GYPE: variants seen among roughly 807,000 people sequenced by gnomAD.
The protein encoded by GYPE is glycophorin E (MNS blood group), also known as glycophorin-E.
GYPE carries 8 observed loss-of-function variants against 11.6 expected under a neutral mutation model. That is an observed-to-expected ratio of 0.69 (90% CI 0.41 to 1.25). The LOEUF (loss-of-function observed/expected upper bound fraction) is 1.25, where lower values mean the gene tolerates loss of function less well. Ranked by LOEUF, GYPE falls within the 50% of genes most tolerant of loss-of-function variation. GYPE has a pLI of 0.01. For missense variants in GYPE, 90 were observed against 92.8 expected (o/e 0.97, Z 0.12); for synonymous variants, 28 against 29.6 (o/e 0.94, Z 0.18).
At position 143,876,846 on chromosome 4, in the gene GYPE, A is replaced by C. The variant is rs975671021; in HGVS notation, c.146T>G (p.Leu49Arg). The C allele has an allele frequency of 2.5e-6, 4 of 1,600,206 alleles. No homozygotes were observed. Among genetic ancestry groups the C allele is most frequent in the Non-Finnish European group, 3.4e-6 (4 of 1,168,158 alleles). ...YISSQTNGIT[L>R]INWWAMARVI... ...ACGAGCCATCGCCCACCAATTAATG[A>C]GTGTTATCCCTACAGGAGATAAAGA... The change falls in exon 3 of 4, where the codon CTC (leucine) becomes CGC (arginine). Residue 49 changes from leucine (L) to arginine (R), a missense_variant. Transcript: ENST00000358615.
At chr4:143,881,911 T>A (rs1324749241) in intron 1 of GYPE, among the ~76,000 whole-genome samples, 1 of 152,166 alleles carries the variant, frequency 6.6e-6, no homozygotes, top group Non-Finnish European at 1.5e-5. Context: ...ATGCTCAAAG[T>A]TTCCTGGAGA....
intron 1 of GYPE, among the ~76,000 whole-genome samples, chr4:143,904,681 G>T (rs1185868700): frequency 1.3e-5 from 2 of 152,108 alleles, no homozygotes; most frequent in East Asian, 3.9e-4. Context: ...ATGTCTAATA[G>T]ACTCAGAATG....
intron 2 of GYPE, 106 bp from the exon 3 acceptor site, chr4:143,876,961 T>C (rs1743839892): frequency 1.4e-6 from 1 of 712,636 alleles, no homozygotes; most frequent in Non-Finnish European, 2.6e-6. Context: ...TGCCTTTTAA[T>C]AGAAAGTACA....
intron 3 of GYPE, chr4:143,875,343 A>G: frequency 1.2e-6 from 1 of 809,158 alleles, no homozygotes; most frequent in Non-Finnish European, 2.0e-6. Flanking sequence ...ATTTTTATTT[A>G]GAAGTAGAGA....
chr4:143,876,522 G>T (rs1382113563), intron 3 of GYPE, among the ~76,000 whole-genome samples: 1 of 152,056 alleles, frequency 6.6e-6, no homozygotes, highest in African/African-American at 2.4e-5. Context: ...GCTTTCATTG[G>T]GAAAATGGGG....
At chr4:143,880,660 G>T (rs369936925) in intron 1 of GYPE, among the ~76,000 whole-genome samples, 151 bp from the exon 2 acceptor site, 1 of 150,960 alleles carries the variant, frequency 6.6e-6, no homozygotes, top group African/African-American at 2.4e-5. Context: ...GAGAATTGCT[G>T]TGTGGTAAGT....
intron 2 of GYPE, among the ~76,000 whole-genome samples, chr4:143,877,595 T>G (rs1743864282): frequency 6.6e-6 from 1 of 152,156 alleles, no homozygotes; most frequent in Non-Finnish European, 1.5e-5. Flanking sequence ...GACATAAAGG[T>G]AAAATGGCTC....
intron 1 of GYPE, among the ~76,000 whole-genome samples, chr4:143,904,921 A>C (rs1226614134): frequency 6.6e-6 from 1 of 152,070 alleles, no homozygotes; most frequent in Non-Finnish European, 1.5e-5. Flanking sequence ...TTTCTCCTAA[A>C]ATTCACATGA....
chr4:143,871,151 C>T lies in GYPE; in HGVS notation c.*1111G>A, dbSNP rs1018782734. On this transcript the variant is annotated 3_prime_UTR_variant, in exon 4 of 4. Transcript: ENST00000358615. ...TGACATGTGGGGATTATTGGAACTA[C>T]AATTCAAGATGAGATTTGAGTGGGA... is the stretch of plus-strand genomic sequence containing the variant. 1 of 151,508 alleles carries T rather than the reference C, an allele frequency of 6.6e-6. No homozygotes were observed. Among genetic ancestry groups the T allele is most frequent in the Non-Finnish European group, 1.5e-5 (1 of 68,030 alleles). The allele number at this position is 151,508 out of a possible 1,614,324, so 9.4% of individuals were successfully genotyped here.
At chr4:143,896,423 G>A (rs1220158117) in intron 1 of GYPE, among the ~76,000 whole-genome samples, 2 of 152,106 alleles carry the variant, frequency 1.3e-5, no homozygotes, top group African/African-American at 2.4e-5. Flanking sequence ...ATCATCACTG[G>A]CCATCAGAGA....
intron 1 of GYPE, among the ~76,000 whole-genome samples, chr4:143,896,908 C>G (rs1284482456): frequency 6.8e-6 from 1 of 146,830 alleles, no homozygotes; most frequent in Non-Finnish European, 1.5e-5. Flanking sequence ...ATCGCAAGGA[C>G]AAAAAACCAA....
chr4:143,883,979 G>A (rs1422840056), intron 1 of GYPE, among the ~76,000 whole-genome samples: 2 of 152,048 alleles, frequency 1.3e-5, no homozygotes, highest in African/African-American at 4.8e-5. Context: ...AATTCCAGGG[G>A]TTCAGGTAGA....
At chr4:143,893,642 G>T (rs935024865) in intron 1 of GYPE, among the ~76,000 whole-genome samples, 3 of 152,062 alleles carry the variant, frequency 2.0e-5, no homozygotes, top group African/African-American at 7.3e-5. Flanking sequence ...ATTGGCCCCC[G>T]CTCTCTTCTG....
intron 1 of GYPE, among the ~76,000 whole-genome samples, chr4:143,901,374 A>G (rs1413315522): frequency 3.3e-5 from 5 of 152,106 alleles, no homozygotes; most frequent in African/African-American, 4.8e-5. Context: ...TGTCCTGATT[A>G]TATTATATGG....
chr4:143,878,624 C>A, intron 2 of GYPE: 2 of 473,124 alleles, frequency 4.2e-6, no homozygotes, highest in South Asian at 3.1e-5. Flanking sequence ...GATTCTTTGT[C>A]AAATATTAAC....
At chr4:143,875,381 G>T in intron 3 of GYPE, 2 of 1,320,470 alleles carry the variant, frequency 1.5e-6, no homozygotes, top group Non-Finnish European at 2.1e-6. Flanking sequence ...AGAACAGGGA[G>T]TTAGGATAGC....
At chr4:143,891,619 C>T (rs531706437) in intron 1 of GYPE, among the ~76,000 whole-genome samples, 2 of 152,056 alleles carry the variant, frequency 1.3e-5, no homozygotes, top group African/African-American at 2.4e-5. Context: ...TGAACCACTG[C>T]ACCTGGCCTA....
intron 1 of GYPE, among the ~76,000 whole-genome samples, chr4:143,891,116 T>A (rs1325159565): frequency 6.6e-6 from 1 of 151,702 alleles, no homozygotes; most frequent in Non-Finnish European, 1.5e-5. Context: ...GTAACTACTT[T>A]AGGATTTGTG....
intron 1 of GYPE, among the ~76,000 whole-genome samples, chr4:143,892,245 C>A (rs977171340): frequency 1.3e-5 from 2 of 151,982 alleles, no homozygotes; most frequent in Admixed American, 1.3e-4. Flanking sequence ...TTTTGTTGAT[C>A]TTTTCAAAAA....
Sources: gnomAD v4.1 joint callset for allele counts (sites outside exome capture counted in the v4.1 genomes callset) on GRCh38, gnomAD v4.1.1 for gene constraint, MANE v1.5 for transcripts, NCBI Gene and HGNC (gene_info 2026-07-23, HGNC 2026-07-21) for gene names.